Variants in PPIH observed in about 807,000 individuals in gnomAD.
PPIH encodes peptidylprolyl isomerase H.
Under a neutral mutation model 27.6 loss-of-function variants are expected in PPIH, and 16 were observed. The observed-to-expected ratio is 0.58, with a 90% CI of 0.39 to 0.88. The LOEUF is 0.88. Ranked by LOEUF, PPIH falls within the 40% of genes least tolerant of loss-of-function variation. PPIH has a pLI of 0.00. For missense variants in PPIH, 155 were observed against 224.1 expected (o/e 0.69, Z 1.97); for synonymous variants, 63 against 76.1 (o/e 0.83, Z 0.90).
chr1:42,660,468 C>T (rs1361114186), intron 4 of PPIH, among the ~76,000 whole-genome samples: 5 of 152,114 alleles, frequency 3.3e-5, no homozygotes, highest in Non-Finnish European at 7.4e-5. Context: ...CCCACTCTGT[C>T]GCCCAGGCTA....
chr1:42,667,136 T>C (rs1649384485), intron 8 of PPIH, among the ~76,000 whole-genome samples: 1 of 152,350 alleles, frequency 6.6e-6, no homozygotes, highest in African/African-American at 2.4e-5. Flanking sequence ...AATTCTCTCT[T>C]ATAACTTTTT....
chr1:42,667,564 G>C (rs1226443744), intron 9 of PPIH, 124 bp downstream of exon 9: 1 of 705,800 alleles, frequency 1.4e-6, no homozygotes. Context: ...TATGGCCTTG[G>C]AGTAGTCACT....
intron 7 of PPIH, among the ~76,000 whole-genome samples, 165 bp from the exon 8 acceptor site, chr1:42,666,380 ACT>A (rs1290915144): frequency 6.6e-6 from 1 of 151,844 alleles, no homozygotes; most frequent in Non-Finnish European, 1.5e-5. Flanking sequence ...TTGAGCCCTA[ACT>A]CTACTTATTA....
intron 9 of PPIH, among the ~76,000 whole-genome samples, chr1:42,668,013 G>T (rs1207576936): frequency 3.3e-5 from 5 of 152,230 alleles, no homozygotes; most frequent in Non-Finnish European, 7.3e-5. Context: ...GCTGCAGAGA[G>T]GGGGACAAAG....
rs192892956 is a variant in PPIH, at chr1:42,666,560, T to C, written c.438T>C (p.Asp146=). 4.6e-5 allele frequency: 74 copies of C among 1,613,948 alleles called. No individual in the cohort carries two copies. The East Asian group carries it at 1.6e-3, about 35-fold the overall frequency. The part of the protein sequence containing the change: ...GKHVVFGKII[D]GLLVMRKIEN... Reference sequence around the variant, plus strand: ...CTCTTCCTACAGGAAAAATCATCGATGGACTTCTAGTGATGAGAAAGATTG... The same window carrying C: ...CTCTTCCTACAGGAAAAATCATCGACGGACTTCTAGTGATGAGAAAGATTG... The change falls in exon 8 of 10, where the codon GAT becomes GAC. Residue 146 remains aspartate, a synonymous_variant. Coordinates refer to ENST00000304979, the MANE Select transcript of PPIH (RefSeq NM_006347.4).
intron 5 of PPIH, among the ~76,000 whole-genome samples, chr1:42,662,525 G>T (rs1649095004): frequency 6.6e-6 from 1 of 151,710 alleles, no homozygotes; most frequent in Non-Finnish European, 1.5e-5. Context: ...CTGCACTCCA[G>T]CCTGGGCGAC....
intron 8 of PPIH, 53 bp from the exon 9 acceptor site, chr1:42,667,298 G>T: frequency 6.7e-7 from 1 of 1,499,764 alleles, no homozygotes; most frequent in South Asian, 1.1e-5. Flanking sequence ...AGTTTGATAA[G>T]GGAACGAGGA....
chr1:42,664,489 G>A (rs1044441779), intron 5 of PPIH, among the ~76,000 whole-genome samples: 1 of 152,166 alleles, frequency 6.6e-6, no homozygotes, highest in African/African-American at 2.4e-5. Flanking sequence ...GAATGGGGTG[G>A]TAGTCACTTA....
chr1:42,673,704 T>C (rs1445555823), intron 9 of PPIH, among the ~76,000 whole-genome samples: 1 of 152,256 alleles, frequency 6.6e-6, no homozygotes, highest in Non-Finnish European at 1.5e-5. Context: ...AACACTACTT[T>C]AGTTAGTGGT....
intron 5 of PPIH, among the ~76,000 whole-genome samples, chr1:42,664,108 G>A (rs775131404): frequency 4.6e-5 from 7 of 152,202 alleles, no homozygotes; most frequent in Admixed American, 1.3e-4. Context: ...GAAATTGGGA[G>A]TTTATAATAA....
chr1:42,673,320 T>C (rs930624691), intron 9 of PPIH, among the ~76,000 whole-genome samples: 1 of 152,194 alleles, frequency 6.6e-6, no homozygotes, highest in Admixed American at 6.5e-5. Context: ...TGGTTATGTA[T>C]AGCATAAATG....
intron 4 of PPIH, among the ~76,000 whole-genome samples, 154 bp from the exon 5 acceptor site, chr1:42,660,708 G>A (rs1648961192): frequency 6.6e-6 from 1 of 152,202 alleles, no homozygotes; most frequent in South Asian, 2.1e-4. Context: ...GGGATTACAG[G>A]CGTGAGCTAC....
chr1:42,659,514 G>A lies in PPIH; in HGVS notation c.156-8G>A, dbSNP rs544086288. The A allele has an allele frequency of 9.9e-6, 16 of 1,614,124 alleles. No homozygotes were observed. The highest frequency in any genetic ancestry group is 1.3e-5 in the African/African-American group (1 of 75,014). On this transcript the variant is annotated splice_polypyrimidine_tract_variant and splice_region_variant and intron_variant, in intron 3 of 9. Coordinates refer to ENST00000304979, the MANE Select transcript of PPIH (RefSeq NM_006347.4). ...TGTCACTCCAAGTCTCTTTCTTTTC[G>A]GTTATAGGAAAGATGGGGTTCCAAT...
rs373111692 is a variant in PPIH at position 42,671,885 on chromosome 1, CTTTTTTTT to C, written c.*21+4453_*21+4460del. Among the ~76,000 whole-genome samples, 1,147 of 140,300 alleles carry C rather than the reference CTTTTTTTT, an allele frequency of 8.2e-3. 21 individuals are homozygous for C. The highest frequency in any genetic ancestry group is 0.028 in the African/African-American group (1,083 of 38,240). 92.0% of individuals were successfully genotyped at this position (140,300 alleles called of 152,430 possible). A position where few individuals can be genotyped will look rare whatever the true frequency, so the allele number is the denominator to read the frequency against. On this transcript the variant is annotated intron_variant, in intron 9 of 9. Transcript: ENST00000304979. The stretch of plus-strand genomic sequence containing the variant: ...CCTATTGGGCAGTATTTCTTTCTTT[CTTTTTTTT>C]TTTTTTTCGAGACGGAGTCTTGCTC...
At chr1:42,668,588 T>A (rs559837797) in intron 9 of PPIH, among the ~76,000 whole-genome samples, 1 of 152,294 alleles carries the variant, frequency 6.6e-6, no homozygotes, top group South Asian at 2.1e-4. Flanking sequence ...TTTTGTAGCT[T>A]AAAAAAAGGT....
intron 5 of PPIH, among the ~76,000 whole-genome samples, chr1:42,662,133 T>C (rs1054494547): frequency 1.3e-5 from 2 of 152,184 alleles, no homozygotes; most frequent in Non-Finnish European, 1.5e-5. Flanking sequence ...TTTTTTCCCC[T>C]AGGCTTCCCT....
chr1:42,660,835 C>T, intron 4 of PPIH, 27 bp from the exon 5 acceptor site: 1 of 1,561,978 alleles, frequency 6.4e-7, no homozygotes, highest in South Asian at 1.2e-5. Context: ...ATAAAATCTT[C>T]TCAGTATTCT....
At chr1:42,668,885 C>T (rs1286674506) in intron 9 of PPIH, among the ~76,000 whole-genome samples, 7 of 152,028 alleles carry the variant, frequency 4.6e-5, no homozygotes, top group Non-Finnish European at 1.5e-5. Flanking sequence ...ACTTTTCCTT[C>T]TTAGTTCATG....
chr1:42,663,599 C>T (rs58435659), intron 5 of PPIH, among the ~76,000 whole-genome samples: 1 of 152,146 alleles, frequency 6.6e-6, no homozygotes, highest in East Asian at 1.9e-4. Context: ...GGGGTCTCAC[C>T]ATGTTGGCCA....
Sources: gnomAD v4.1 joint callset for allele counts (sites outside exome capture counted in the v4.1 genomes callset) on GRCh38, gnomAD v4.1.1 for gene constraint, MANE v1.5 for transcripts, NCBI Gene and HGNC (gene_info 2026-07-23, HGNC 2026-07-21) for gene names.